PLXNA2: variants seen among roughly 807,000 people sequenced by gnomAD.
PLXNA2 encodes plexin-A2.
Under a neutral mutation model 193.5 loss-of-function variants are expected in PLXNA2, and 91 were observed. That is an observed-to-expected ratio of 0.47 (90% CI 0.40 to 0.56). PLXNA2 has a LOEUF of 0.56. Ranked by LOEUF, PLXNA2 falls within the 20% of genes least tolerant of loss-of-function variation. The pLI is 0.00. For missense variants in PLXNA2, 1,995 were observed against 2,503.2 expected, an observed-to-expected ratio of 0.80 and a Z score of 4.33; for synonymous variants, 997 against 1,027.3, an observed-to-expected ratio of 0.97 and a Z score of 0.56.
intron 3 of PLXNA2, among the ~76,000 whole-genome samples, chr1:208,175,365 A>C (rs1228069545): frequency 6.6e-6 from 1 of 152,182 alleles, no homozygotes; most frequent in Non-Finnish European, 1.5e-5. Context: ...ACAGCCAGTC[A>C]CTGGGCAAGA....
intron 3 of PLXNA2, among the ~76,000 whole-genome samples, chr1:208,197,514 G>A (rs1670399364): frequency 1.3e-5 from 2 of 152,328 alleles, no homozygotes; most frequent in East Asian, 1.9e-4. Context: ...AAATTAACGG[G>A]TTGTCTGTGG....
rs561631648 is a variant in PLXNA2, at chr1:208,051,283, C to T, written c.3134G>A (p.Arg1045His). 5.0e-5 allele frequency: 80 copies of T among 1,611,684 alleles called. No homozygotes were observed. The highest frequency in any genetic ancestry group is 1.9e-4 in the South Asian group (17 of 90,664). ...FEYIDDPRVQRIEPEWSIASG... is the reference protein window; with the variant it reads ...FEYIDDPRVQHIEPEWSIASG... ...GGCAATGCTCCACTCTGGCTCGATG[C>T]GCTGGACCCGAGGGTCATCTATGTA... Residue 1045 changes from arginine to histidine, a missense_variant, in exon 16 of 32, where the codon CGC becomes CAC. Transcript: ENST00000367033.
At chr1:208,225,079 C>G (rs1477225705) in intron 1 of PLXNA2, among the ~76,000 whole-genome samples, 1 of 152,064 alleles carries the variant, frequency 6.6e-6, no homozygotes, top group Non-Finnish European at 1.5e-5. Flanking sequence ...TGGACAAGGC[C>G]CTTAGATCTT....
At chr1:208,060,190 C>T (rs1251563421) in intron 13 of PLXNA2, among the ~76,000 whole-genome samples, 4 of 152,158 alleles carry the variant, frequency 2.6e-5, no homozygotes, top group East Asian at 1.9e-4. Flanking sequence ...CCTGGAGCCC[C>T]GTTTGCCTGT....
chr1:208,098,044 G>A (rs1666962914), intron 6 of PLXNA2, among the ~76,000 whole-genome samples: 1 of 152,018 alleles, frequency 6.6e-6, no homozygotes, highest in African/African-American at 2.4e-5. Flanking sequence ...ACCCAGTGGT[G>A]TTATTTGCAG....
chr1:208,097,017 G>A, intron 6 of PLXNA2, 134 bp from the exon 7 acceptor site: 1 of 716,272 alleles, frequency 1.4e-6, no homozygotes, highest in East Asian at 2.7e-5. Flanking sequence ...GTTGGTCTAA[G>A]TGGTCTTCCA....
chr1:208,222,741 C>T (rs766693919), intron 1 of PLXNA2, among the ~76,000 whole-genome samples: 3 of 152,184 alleles, frequency 2.0e-5, no homozygotes, highest in African/African-American at 4.8e-5. Context: ...CATGCCTCTA[C>T]GTTTCCACTT....
Position 208,197,291 on chromosome 1 carries a change from C to G in PLXNA2, c.1371+12989G>C, listed in dbSNP as rs375856695. ...ATTATTCTAAGTGATAAAGGGAGGT[C>G]ACCACATGTGCCATTGTTGGAAAAG... On this transcript the variant is annotated intron_variant, in intron 3 of 31. Transcript: ENST00000367033. Among the ~76,000 whole-genome samples the G allele has an allele frequency of 3.9e-5, 6 of 152,302 alleles. No homozygotes were observed. The South Asian group carries it at 8.3e-4, about 21-fold the overall frequency.
intron 12 of PLXNA2, among the ~76,000 whole-genome samples, chr1:208,077,935 A>T (rs993173209): frequency 9.9e-5 from 15 of 151,936 alleles, no homozygotes; most frequent in Admixed American, 8.5e-4. Context: ...ATTGTCCGGG[A>T]TATGGTGTCT....
Position 208,025,481 on chromosome 1 carries a change from A to C in PLXNA2, c.*1762T>G, listed in dbSNP as rs1340650134. 2 of 152,400 alleles carry C rather than the reference A, an allele frequency of 1.3e-5. No homozygotes were observed. Among genetic ancestry groups the C allele is most frequent in the African/African-American group, 4.8e-5 (2 of 41,454 alleles). The allele number at this position is 152,400 out of a possible 1,614,324, so 9.4% of individuals were successfully genotyped here. ...TAGCCTAGGATTCCTGACCCTTTGA[A>C]AAGTGAGGAAGGGCAGCTTGTTCCT... On this transcript the variant is annotated 3_prime_UTR_variant, in exon 32 of 32. Coordinates refer to ENST00000367033, the MANE Select transcript of PLXNA2 (RefSeq NM_025179.4).
At chr1:208,071,999 A>C (rs2102368741) in intron 12 of PLXNA2, among the ~76,000 whole-genome samples, 1 of 152,326 alleles carries the variant, frequency 6.6e-6, no homozygotes, top group Non-Finnish European at 1.5e-5. Flanking sequence ...ATCTAGGCGA[A>C]ACCAATCTAC....
Position 208,210,362 on chromosome 1 carries a change from T to A in PLXNA2, c.1289A>T (p.Asp430Val). 4 of 1,614,062 alleles carry A rather than the reference T, an allele frequency of 2.5e-6. No individual in the cohort carries two copies. Among genetic ancestry groups the A allele is most frequent in the Non-Finnish European group, 3.4e-6 (4 of 1,180,016 alleles). ...EGLTLYTTSR[D>V]RMTSVASYVY... ...GTAGGAGGCCACAGAGGTCATGCGGTCCCTGCTGGTGGTGTACAGGGTCAG... is the reference window on the plus strand; with the variant it reads ...GTAGGAGGCCACAGAGGTCATGCGGACCCTGCTGGTGGTGTACAGGGTCAG... Residue 430 changes from aspartate (D) to valine (V), a missense_variant, in exon 3 of 32, where the codon GAC becomes GTC. Transcript: ENST00000367033.
At chr1:208,204,486 C>T (rs1475018428) in intron 3 of PLXNA2, among the ~76,000 whole-genome samples, 6 of 152,182 alleles carry the variant, frequency 3.9e-5, no homozygotes, top group Non-Finnish European at 8.8e-5. Context: ...AGAAGTTGTC[C>T]TGTTTCCTTG....
At chr1:208,197,178 C>A (rs1432025365) in intron 3 of PLXNA2, among the ~76,000 whole-genome samples, 1 of 152,140 alleles carries the variant, frequency 6.6e-6, no homozygotes, top group African/African-American at 2.4e-5. Context: ...AAAAATCAAT[C>A]AGTGATGGTT....
At chr1:208,075,912 G>C (rs1159437239) in intron 12 of PLXNA2, among the ~76,000 whole-genome samples, 2 of 151,994 alleles carry the variant, frequency 1.3e-5, no homozygotes, top group African/African-American at 2.4e-5. Flanking sequence ...ACAAAAATTA[G>C]CCAGGCGTGG....
At chr1:208,196,287 C>T (rs1184817474) in intron 3 of PLXNA2, among the ~76,000 whole-genome samples, 1 of 152,124 alleles carries the variant, frequency 6.6e-6, no homozygotes, top group South Asian at 2.1e-4. Context: ...AAAAAGTTCA[C>T]GTACTTGAGG....
Position 208,044,887 on chromosome 1 carries a change from G to T in PLXNA2, c.3640-145C>A. ...TAGATAAAAAGCAATTTCCTGCCTCGGCATCTGCCTTTCTTTTCTTGTGTT... is the reference window on the plus strand; with the variant it reads ...TAGATAAAAAGCAATTTCCTGCCTCTGCATCTGCCTTTCTTTTCTTGTGTT... On this transcript the variant is annotated intron_variant, in intron 19 of 31. Coordinates refer to ENST00000367033, the MANE Select transcript of PLXNA2 (RefSeq NM_025179.4). This position sits in a 1 kb window ranked among gnomAD's most constrained non-coding sequence, Gnocchi z 4.9. 1.0e-6 allele frequency: 1 copy of T among 993,890 alleles called. No homozygotes were observed. The highest frequency in any genetic ancestry group is 1.5e-6 in the Non-Finnish European group (1 of 662,598). 61.6% of individuals were successfully genotyped at this position (993,890 alleles called of 1,614,324 possible). A position where few individuals can be genotyped will look rare whatever the true frequency, so the allele number is the denominator to read the frequency against.
chr1:208,130,345 C>A (rs1346745802), intron 4 of PLXNA2, among the ~76,000 whole-genome samples: 2 of 152,176 alleles, frequency 1.3e-5, no homozygotes, highest in East Asian at 3.9e-4. Context: ...TGGGTACATG[C>A]AATGGCATAT....
chr1:208,030,780 C>A, intron 29 of PLXNA2: 1 of 985,440 alleles, frequency 1.0e-6, no homozygotes, highest in Non-Finnish European at 1.2e-6. Flanking sequence ...TCCCCTCTCC[C>A]CTCTCTGTGC....
Sources: gnomAD v4.1 joint callset for allele counts (sites outside exome capture counted in the v4.1 genomes callset) on GRCh38, gnomAD v4.1.1 for gene constraint, Gnocchi (gnomAD v3.1) non-coding constraint, MANE v1.5 for transcripts, NCBI Gene and HGNC (gene_info 2026-07-23, HGNC 2026-07-21) for gene names.